HIVEP3: variants seen among roughly 807,000 people sequenced by gnomAD.
HIVEP3 encodes transcription factor HIVEP3.
Under a neutral mutation model 152.8 loss-of-function variants are expected in HIVEP3, and 49 were observed. The observed-to-expected ratio is 0.32, with a 90% CI of 0.26 to 0.41. The LOEUF (loss-of-function observed/expected upper bound fraction) is 0.41. Among genes scored for constraint, HIVEP3 ranks in the 10% least tolerant of loss-of-function variants. The pLI is 1.00. For synonymous variants in HIVEP3, 1,269 were observed against 1,289.0 expected (o/e 0.98, Z 0.33); for missense variants, 2,790 against 3,103.3 (o/e 0.90, Z 2.40).
chr1:41,627,305 G>A (rs1202570827), intron 3 of HIVEP3, among the ~76,000 whole-genome samples: 1 of 152,222 alleles, frequency 6.6e-6, no homozygotes, highest in African/African-American at 2.4e-5. Flanking sequence ...AGAAGGATGA[G>A]GCAGAGTTGG....
At chr1:41,783,911 G>T (rs140305030) in intron 1 of HIVEP3, among the ~76,000 whole-genome samples, 1 of 152,332 alleles carries the variant, frequency 6.6e-6, no homozygotes, top group East Asian at 1.9e-4. Context: ...GGTGCAGCAG[G>T]GTGGCGGTAT....
chr1:41,997,121 T>C (rs948076587), intron 1 of HIVEP3, among the ~76,000 whole-genome samples: 5 of 152,334 alleles, frequency 3.3e-5, no homozygotes, highest in East Asian at 1.9e-4. Flanking sequence ...TGAACATCTA[T>C]GGCAGGGGGA....
chr1:41,670,098 A>G (rs1421317389), intron 2 of HIVEP3, among the ~76,000 whole-genome samples: 1 of 152,206 alleles, frequency 6.6e-6, no homozygotes, highest in Admixed American at 6.5e-5. Flanking sequence ...GTGGACTCCT[A>G]GCACTCAATA....
At position 41,628,795 on chromosome 1, in the gene HIVEP3, C is replaced by T. The variant is rs1645153201; in HGVS notation, c.-568G>A. On this transcript the variant is annotated 5_prime_UTR_variant, in exon 3 of 9. Coordinates refer to ENST00000372583, the MANE Select transcript of HIVEP3 (RefSeq NM_024503.5). ...CGATGACCAAAACTGAAACGCTGTTCTCTCTGAAAGCCAGCATTCATGTCC... is the reference window on the plus strand; with the variant it reads ...CGATGACCAAAACTGAAACGCTGTTTTCTCTGAAAGCCAGCATTCATGTCC... 8.1e-7 allele frequency: 1 copy of T among 1,231,934 alleles called. No individual in the cohort carries two copies. Among genetic ancestry groups the T allele is most frequent in the African/African-American group, 1.6e-5 (1 of 64,352 alleles). 76.3% of individuals were successfully genotyped at this position (1,231,934 alleles called of 1,614,324 possible). A position where few individuals can be genotyped will look rare whatever the true frequency, so the allele number is the denominator to read the frequency against.
At chr1:42,025,102 T>C (rs932636238) in intron 1 of HIVEP3, among the ~76,000 whole-genome samples, 9 of 152,234 alleles carry the variant, frequency 5.9e-5, no homozygotes, top group East Asian at 1.9e-4. Context: ...CCTTGAATAG[T>C]TGTTTCTGCC....
intron 1 of HIVEP3, among the ~76,000 whole-genome samples, chr1:41,898,360 A>T (rs1235769841): frequency 6.6e-6 from 1 of 152,186 alleles, no homozygotes; most frequent in Non-Finnish European, 1.5e-5. Flanking sequence ...GTGATCTAGA[A>T]TCCAGTCTCA....
intron 2 of HIVEP3, among the ~76,000 whole-genome samples, chr1:41,630,862 C>A (rs539338243): frequency 1.3e-5 from 2 of 152,236 alleles, no homozygotes; most frequent in East Asian, 3.9e-4. Context: ...CTAATACAGC[C>A]TGGAAAACTG....
chr1:41,986,774 A>G (rs564468952), intron 1 of HIVEP3, among the ~76,000 whole-genome samples: 3 of 152,362 alleles, frequency 2.0e-5, no homozygotes, highest in African/African-American at 7.2e-5. Flanking sequence ...GTATTTATTA[A>G]TTGCTGCCCA....
intron 1 of HIVEP3, among the ~76,000 whole-genome samples, chr1:41,978,876 C>T (rs1557547609): frequency 6.6e-6 from 1 of 152,136 alleles, no homozygotes; most frequent in Non-Finnish European, 1.5e-5. Context: ...GCCACCTTCC[C>T]AGTCCTTGCC....
At chr1:41,555,578 C>T (rs576145105) in intron 5 of HIVEP3, among the ~76,000 whole-genome samples, 4 of 152,220 alleles carry the variant, frequency 2.6e-5, no homozygotes, top group Admixed American at 6.5e-5. Flanking sequence ...TCTTCTGCGT[C>T]GATCACGCTG....
At chr1:41,527,715 C>G (rs1373221826) in intron 5 of HIVEP3, among the ~76,000 whole-genome samples, 1 of 148,920 alleles carries the variant, frequency 6.7e-6, no homozygotes, top group South Asian at 2.2e-4. Flanking sequence ...CCCACCCTCA[C>G]ATGCTCACCC....
Position 41,583,712 on chromosome 1 carries a change from C to T in HIVEP3, c.1086G>A (p.Gln362=), listed in dbSNP as rs1372894237. The change falls in exon 4 of 9, where the codon CAG becomes CAA. Residue 362 remains glutamine (Q), a synonymous_variant. Coordinates refer to ENST00000372583, the MANE Select transcript of HIVEP3 (RefSeq NM_024503.5). This position sits in a 1 kb window ranked among gnomAD's most constrained non-coding sequence, Gnocchi z 6.9. ...HKPEDTHTIK[Q]KLALRLSERK... is the part of the protein sequence containing the mutation. ...TCTCGCTTAAGCGGAGGGCCAGCTT[C>T]TGCTTAATCGTGTGGGTGTCTTCAG... is the stretch of plus-strand genomic sequence containing the variant. 2 of 1,611,180 alleles carry T rather than the reference C, an allele frequency of 1.2e-6. No homozygotes were observed. Among genetic ancestry groups the T allele is most frequent in the Admixed American group, 1.7e-5 (1 of 59,852 alleles).
intron 1 of HIVEP3, among the ~76,000 whole-genome samples, chr1:41,783,448 C>A (rs1001544176): frequency 1.3e-5 from 2 of 152,146 alleles, no homozygotes; most frequent in Non-Finnish European, 2.9e-5. Context: ...ATAACCTCTC[C>A]GTGTGCCACT....
chr1:41,647,530 C>G (rs115191000), intron 2 of HIVEP3, among the ~76,000 whole-genome samples: 14 of 152,346 alleles, frequency 9.2e-5, no homozygotes, highest in African/African-American at 3.1e-4. Flanking sequence ...GTACTTTGCT[C>G]TCTCCTTCTC....
rs561762304 is a variant in HIVEP3, at chr1:41,928,568, TC to T, written n.120-10045del. 2.9e-4 allele frequency among the ~76,000 whole-genome samples: 44 copies of T among 152,354 alleles called. No individual in the cohort carries two copies. In the East Asian group the frequency reaches 8.5e-3, roughly 29 times the overall value. On this transcript the variant is annotated intron_variant and non_coding_transcript_variant, in intron 1 of 3. Coordinates refer to the HIVEP3 transcript ENST00000489103. ...AATGTTACCAGTTTTTCCACTGATG[TC>T]CTTTTTCATTCCAGGATTCAATTCA...
At chr1:41,929,688 CTA>C (rs1199356275) in intron 1 of HIVEP3, among the ~76,000 whole-genome samples, 1 of 132,226 alleles carries the variant, frequency 7.6e-6, no homozygotes, top group African/African-American at 2.9e-5. Context: ...ATTTCCGTAT[CTA>C]TCAGTGTATA....
chr1:41,671,085 C>A (rs575571315), intron 2 of HIVEP3, among the ~76,000 whole-genome samples: 14 of 152,184 alleles, frequency 9.2e-5, no homozygotes, highest in Non-Finnish European at 1.8e-4. Flanking sequence ...GCAGCTCCTG[C>A]GGGTGGGGGA....
chr1:41,644,693 CTTTTTTTTTTTTT>C (rs60511656), intron 2 of HIVEP3, among the ~76,000 whole-genome samples: 1 of 74,738 alleles, frequency 1.3e-5, no homozygotes, highest in South Asian at 5.1e-4. Flanking sequence ...CATATCTGTT[CTTTTTTTTTTTTT>C]TTTTTTTTTT....
intron 1 of HIVEP3, among the ~76,000 whole-genome samples, chr1:41,857,098 C>A (rs1643789379): frequency 6.6e-6 from 1 of 152,078 alleles, no homozygotes; most frequent in Non-Finnish European, 1.5e-5. Context: ...CAGTGCATGC[C>A]AAGGAATCTG....
Sources: gnomAD v4.1 joint callset for allele counts (sites outside exome capture counted in the v4.1 genomes callset) on GRCh38, gnomAD v4.1.1 for gene constraint, Gnocchi (gnomAD v3.1) non-coding constraint, MANE v1.5 for transcripts, NCBI Gene and HGNC (gene_info 2026-07-23, HGNC 2026-07-21) for gene names.